The following PRKRIP1 variants were observed in gnomAD, a reference collection of about 807,000 sequenced individuals.
PRKRIP1 encodes the protein PRKR-interacting protein 1.
In PRKRIP1, 29 loss-of-function variants were observed where a neutral mutation model predicts 29.3. The observed-to-expected ratio is 0.99, with a 90% CI of 0.74 to 1.35. The LOEUF (loss-of-function observed/expected upper bound fraction) is 1.35, where lower values mean the gene tolerates loss of function less well. Among genes scored for constraint, PRKRIP1 ranks in the 40% most tolerant of loss-of-function variants. The probability of loss-of-function intolerance (pLI) is 0.00; values close to 1 mark genes in which losing one functional copy is unlikely to be tolerated. For synonymous variants in PRKRIP1, 90 were observed against 85.1 expected (o/e 1.06, Z -0.32); for missense variants, 247 against 236.8 (o/e 1.04, Z -0.28).
intron 3 of PRKRIP1, 86 bp from the exon 4 acceptor site, chr7:102,404,512 C>A: frequency 1.8e-6 from 2 of 1,095,402 alleles, no homozygotes; most frequent in East Asian, 2.4e-5. Flanking sequence ...GGTGTGACTT[C>A]TAGAACTCTC....
chr7:102,396,746 T>G (rs1383528158), intron 1 of PRKRIP1, among the ~76,000 whole-genome samples: 2 of 152,166 alleles, frequency 1.3e-5, no homozygotes, highest in African/African-American at 4.8e-5. Context: ...AGAGCCCAGC[T>G]TGAATCAAAG....
intron 5 of PRKRIP1, among the ~76,000 whole-genome samples, chr7:102,413,422 T>C (rs1796446604): frequency 6.6e-6 from 1 of 152,214 alleles, no homozygotes; most frequent in Non-Finnish European, 1.5e-5. Context: ...AGATACTCTA[T>C]GATCATTTTA....
intron 3 of PRKRIP1, among the ~76,000 whole-genome samples, chr7:102,401,626 G>A (rs375975590): frequency 4.6e-5 from 7 of 152,324 alleles, no homozygotes; most frequent in East Asian, 1.9e-4. Flanking sequence ...CCAGCTACTC[G>A]GGAGGCTGAG....
At chr7:102,405,211 G>A (rs1198312095) in intron 4 of PRKRIP1, among the ~76,000 whole-genome samples, 1 of 152,190 alleles carries the variant, frequency 6.6e-6, no homozygotes, top group African/African-American at 2.4e-5. Flanking sequence ...ACAGGCATGA[G>A]CCACCACACA....
chr7:102,424,577 G>T (rs540969430), intron 5 of PRKRIP1, among the ~76,000 whole-genome samples: 7 of 152,346 alleles, frequency 4.6e-5, no homozygotes, highest in African/African-American at 1.4e-4. Context: ...GCGTATGTGT[G>T]GGGGGCAGAG....
In PRKRIP1 at chr7:102,425,039, G is replaced by A; in HGVS notation, c.483G>A (p.Gly161=). 6.2e-7 allele frequency: 1 copy of A among 1,613,888 alleles called. No homozygotes were observed. Among genetic ancestry groups the A allele is most frequent in the Non-Finnish European group, 8.5e-7 (1 of 1,179,968 alleles). The part of the protein sequence containing the change: ...QEGPGQPKEQ[G]SSSSAEASGT... ...GACCCGGTCAGCCCAAGGAGCAGGG[G>A]TCCAGCAGCTCTGCGGAGGCATCTG... Residue 161 remains glycine, a synonymous_variant, in exon 6 of 6, where the codon GGG becomes GGA. Coordinates refer to ENST00000397912, the MANE Select transcript of PRKRIP1 (RefSeq NM_024653.4).
At chr7:102,424,936 ATCAGCTCTCC>A in intron 5 of PRKRIP1, 68 bp from the exon 6 acceptor site, 23 of 1,459,684 alleles carry the variant, frequency 1.6e-5, no homozygotes, top group Non-Finnish European at 2.1e-5. Flanking sequence ...TTGACTTCCC[ATCAGCTCTCC>A]TCTTTGAAAG....
intron 5 of PRKRIP1, among the ~76,000 whole-genome samples, chr7:102,417,040 A>G (rs1165684550): frequency 1.3e-5 from 2 of 152,036 alleles, no homozygotes; most frequent in Non-Finnish European, 2.9e-5. Context: ...TATTTTTAGT[A>G]GAGACGGGGT....
intron 3 of PRKRIP1, among the ~76,000 whole-genome samples, chr7:102,400,375 A>G (rs1796033137): frequency 6.6e-6 from 1 of 152,202 alleles, no homozygotes; most frequent in Admixed American, 6.6e-5. Context: ...TAGCCATAAA[A>G]AGGAACAAAC....
intron 5 of PRKRIP1, among the ~76,000 whole-genome samples, chr7:102,419,917 G>C (rs1411840031): frequency 6.7e-6 from 1 of 149,658 alleles, no homozygotes; most frequent in Non-Finnish European, 1.5e-5. Context: ...GAGTCTCTCT[G>C]TCGCCCAGGC....
intron 2 of PRKRIP1, 71 bp downstream of exon 2, chr7:102,397,769 G>C (rs187064716): frequency 1.4e-6 from 2 of 1,464,420 alleles, no homozygotes; most frequent in East Asian, 4.7e-5. Context: ...CTATAGGCTG[G>C]GCGTGGTGGC....
chr7:102,403,318 G>A (rs1388939082), intron 3 of PRKRIP1, among the ~76,000 whole-genome samples: 1 of 152,194 alleles, frequency 6.6e-6, no homozygotes, highest in African/African-American at 2.4e-5. Context: ...GTTTGGTTTG[G>A]TTTCTGTGCC....
At chr7:102,423,248 G>A in intron 5 of PRKRIP1, 1 of 417,084 alleles carries the variant, frequency 2.4e-6, no homozygotes, top group Non-Finnish European at 4.9e-6. Flanking sequence ...CCAAGTGGCT[G>A]GGATTACAGG....
intron 3 of PRKRIP1, 58 bp downstream of exon 3, chr7:102,399,706 C>G (rs1352471708): frequency 1.6e-5 from 23 of 1,401,450 alleles, no homozygotes; most frequent in South Asian, 2.3e-5. Flanking sequence ...CGTGTACTTT[C>G]TTTAGAAAAA....
intron 5 of PRKRIP1, among the ~76,000 whole-genome samples, chr7:102,424,320 C>T (rs1286145305): frequency 1.3e-5 from 2 of 152,278 alleles, no homozygotes; most frequent in South Asian, 2.1e-4. Flanking sequence ...CTGAGGCCAC[C>T]GTGCCTGCGG....
chr7:102,414,634 A>C (rs1360654158), intron 5 of PRKRIP1, among the ~76,000 whole-genome samples: 1 of 152,188 alleles, frequency 6.6e-6, no homozygotes, highest in Non-Finnish European at 1.5e-5. Flanking sequence ...CTGTAATCTC[A>C]GCACTTTGGG....
At position 102,404,072 on chromosome 7, in the gene PRKRIP1, A is replaced by G. The variant is rs543204034; in HGVS notation, c.307-526A>G. Among the ~76,000 whole-genome samples, 16 of 152,380 alleles carry G rather than the reference A, an allele frequency of 1.1e-4. No individual in the cohort carries two copies. In the South Asian group the frequency reaches 3.1e-3, roughly 30 times the overall value. The stretch of plus-strand genomic sequence containing the variant: ...TCCCAAGTACTCAGGAGACTGAGAC[A>G]GGACGATCTATCAAGCCCAGGAGTT... On this transcript the variant is annotated intron_variant, in intron 3 of 5. Transcript: ENST00000397912.
chr7:102,422,241 C>T (rs980995526), intron 5 of PRKRIP1, among the ~76,000 whole-genome samples: 1 of 150,494 alleles, frequency 6.6e-6, no homozygotes, highest in Non-Finnish European at 1.5e-5. Flanking sequence ...GTGCTGTGAT[C>T]TTGGCTCATT....
chr7:102,405,706 A>G (rs1340243841), intron 4 of PRKRIP1: 1 of 162,248 alleles, frequency 6.2e-6, no homozygotes, highest in Non-Finnish European at 1.4e-5. Flanking sequence ...AAAGCAGCTG[A>G]TAAGGACGGA....
Sources: allele counts gnomAD v4.1 joint callset (sites outside exome capture counted in the v4.1 genomes callset), GRCh38; gene constraint gnomAD v4.1.1; transcripts MANE v1.5; gene names NCBI Gene and HGNC (gene_info 2026-07-23, HGNC 2026-07-21).